FOXO3: variants seen among roughly 807,000 people sequenced by gnomAD.
The protein encoded by FOXO3 is forkhead box protein O3.
In FOXO3, 4 loss-of-function variants were observed where a neutral mutation model predicts 41.9. The ratio of observed to expected loss-of-function variants is 0.10; its 90% confidence interval spans 0.05 to 0.22. FOXO3 has a LOEUF of 0.22. FOXO3 is among the 10% of genes least tolerant of loss of function. The probability of loss-of-function intolerance (pLI) is 1.00; values close to 1 mark genes in which losing one functional copy is unlikely to be tolerated. For missense variants in FOXO3, 534 were observed against 906.8 expected (o/e 0.59, Z 5.28); for synonymous variants, 318 against 389.3 (o/e 0.82, Z 2.16).
At chr6:108,677,601 G>A (rs941325436) in intron 2 of FOXO3, among the ~76,000 whole-genome samples, 1 of 152,172 alleles carries the variant, frequency 6.6e-6, no homozygotes, top group Non-Finnish European at 1.5e-5. Flanking sequence ...TTCTCCCTCG[G>A]CGCTTACAGT....
chr6:108,673,217 C>T (rs1770406171), intron 2 of FOXO3, among the ~76,000 whole-genome samples: 1 of 152,218 alleles, frequency 6.6e-6, no homozygotes, highest in Admixed American at 6.5e-5. Flanking sequence ...TCGTCAGGTT[C>T]TACTCAGACT....
At chr6:108,643,788 G>A (rs1778323886) in intron 1 of FOXO3, among the ~76,000 whole-genome samples, 1 of 152,186 alleles carries the variant, frequency 6.6e-6, no homozygotes, top group African/African-American at 2.4e-5. Flanking sequence ...AGTTCAAGAG[G>A]AGTGAAGATC....
chr6:108,631,439 C>T (rs776996592), intron 1 of FOXO3, among the ~76,000 whole-genome samples: 18 of 152,094 alleles, frequency 1.2e-4, no homozygotes, highest in Non-Finnish European at 1.2e-4. Flanking sequence ...TTGCCTACCC[C>T]GCAATCCATA....
intron 1 of FOXO3, among the ~76,000 whole-genome samples, chr6:108,600,788 A>G (rs1318216617): frequency 6.6e-6 from 1 of 152,182 alleles, no homozygotes; most frequent in Non-Finnish European, 1.5e-5. Context: ...AAGAAGGATT[A>G]TGAATACTTT....
At chr6:108,666,632 C>T (rs1037984713) in intron 2 of FOXO3, among the ~76,000 whole-genome samples, 3 of 151,968 alleles carry the variant, frequency 2.0e-5, no homozygotes, top group East Asian at 1.9e-4. Flanking sequence ...CGTGAGCCAC[C>T]GTGCCCGGCC....
intron 1 of FOXO3, among the ~76,000 whole-genome samples, chr6:108,637,564 C>T (rs935062555): frequency 2.0e-5 from 3 of 152,160 alleles, no homozygotes; most frequent in Non-Finnish European, 4.4e-5. Flanking sequence ...ACATATCAGA[C>T]TCCTGATAAT....
chr6:108,647,166 ATAG>A (rs1233909533), intron 1 of FOXO3, among the ~76,000 whole-genome samples: 1 of 152,246 alleles, frequency 6.6e-6, no homozygotes, highest in Admixed American at 6.5e-5. Context: ...CCTGTTTACT[ATAG>A]TAAGAATACC....
chr6:108,561,568 C>T lies in FOXO3; in HGVS notation c.360C>T (p.Ser120=). ...CAGCCACCGCGGCGGGCGGGCTGAG[C>T]GGGGGTACACAGGCGCTGCTGCAGC... The part of the protein sequence containing the change: ...SGPATAAGGL[S]GGTQALLQPQ... The change falls in exon 1 of 3, where the codon AGC becomes AGT. Residue 120 remains serine, a synonymous_variant. Transcript: ENST00000406360. The T allele has an allele frequency of 1.4e-6, 2 of 1,449,744 alleles. No homozygotes were observed. The highest frequency in any genetic ancestry group is 1.5e-5 in the African/African-American group (1 of 67,692). The allele number at this position is 1,449,744 out of a possible 1,614,324, so 89.8% of individuals were successfully genotyped here. A position where few individuals can be genotyped will look rare whatever the true frequency, so the allele number is the denominator to read the frequency against.
chr6:108,595,415 A>G (rs987932142), intron 1 of FOXO3, among the ~76,000 whole-genome samples: 3 of 152,252 alleles, frequency 2.0e-5, no homozygotes, highest in African/African-American at 7.2e-5. Context: ...TCATTTCCCA[A>G]GCATACTCAT....
At chr6:108,617,587 A>C (rs1242987115) in intron 1 of FOXO3, among the ~76,000 whole-genome samples, 1 of 152,188 alleles carries the variant, frequency 6.6e-6, no homozygotes, top group African/African-American at 2.4e-5. Context: ...AAAACATGAA[A>C]ATTCTCCAGT....
Position 108,684,398 on chromosome 6 carries a change from C to G in FOXO3, c.*4606C>G, listed in dbSNP as rs527306500. ...TCTGTAAAAACTATCTTATCTGTTT[C>G]AATTCCTTGCTCATATCCCATATAA... is the stretch of plus-strand genomic sequence containing the variant. On this transcript the variant is annotated 3_prime_UTR_variant, in exon 3 of 3. Transcript: ENST00000406360. 6.6e-6 allele frequency: 1 copy of G among 152,136 alleles called. No individual in the cohort carries two copies. The highest frequency in any genetic ancestry group is 2.1e-4 in the South Asian group (1 of 4,828). The allele number at this position is 152,136 out of a possible 1,614,324, so 9.4% of individuals were successfully genotyped here.
chr6:108,591,689 T>A (rs1344513629), intron 1 of FOXO3, among the ~76,000 whole-genome samples: 1 of 152,214 alleles, frequency 6.6e-6, no homozygotes, highest in Non-Finnish European at 1.5e-5. Flanking sequence ...ATCGTTTTTC[T>A]TTCCATTTGA....
chr6:108,586,965 A>ATTG (rs1404567183), intron 1 of FOXO3, among the ~76,000 whole-genome samples: 1 of 147,026 alleles, frequency 6.8e-6, no homozygotes, highest in African/African-American at 2.5e-5. Flanking sequence ...TATTATTATT[A>ATTG]TTATTATTAT....
chr6:108,613,657 A>G (rs1777421202), intron 1 of FOXO3, among the ~76,000 whole-genome samples: 1 of 151,770 alleles, frequency 6.6e-6, no homozygotes, highest in African/African-American at 2.4e-5. Context: ...TTGCAATTTC[A>G]TTGATCTTTT....
chr6:108,663,610 G>A lies in FOXO3; in HGVS notation c.777G>A (p.Lys259=), dbSNP rs1244109176. Residue 259 remains lysine, a synonymous_variant, in exon 2 of 3, where the codon AAG becomes AAA. Transcript: ENST00000406360. ...CTGTCTCCATGGACAATAGCAACAAGTATACCAAGAGCCGTGGCCGCGCAG... is the reference window on the plus strand; with the variant it reads ...CTGTCTCCATGGACAATAGCAACAAATATACCAAGAGCCGTGGCCGCGCAG... The part of the protein sequence containing the change: ...RRAVSMDNSN[K]YTKSRGRAAK... 6.2e-7 allele frequency: 1 copy of A among 1,613,624 alleles called. No individual in the cohort carries two copies. The highest frequency in any genetic ancestry group is 8.5e-7 in the Non-Finnish European group (1 of 1,179,686).
At chr6:108,676,997 A>G (rs1770624588) in intron 2 of FOXO3, among the ~76,000 whole-genome samples, 1 of 152,234 alleles carries the variant, frequency 6.6e-6, no homozygotes, top group Non-Finnish European at 1.5e-5. Context: ...GAGGAAACCA[A>G]AGGCCTTTCT....
chr6:108,634,299 G>A (rs979126659), intron 1 of FOXO3, among the ~76,000 whole-genome samples: 1 of 152,114 alleles, frequency 6.6e-6, no homozygotes, highest in Admixed American at 6.6e-5. Flanking sequence ...GGTGAAGATG[G>A]GGTTTCTATG....
chr6:108,665,571 C>T (rs1779026468), intron 2 of FOXO3, among the ~76,000 whole-genome samples: 3 of 152,002 alleles, frequency 2.0e-5, no homozygotes. Context: ...GCCTATAATC[C>T]CACAACTATG....
At chr6:108,565,655 T>TGCA (rs1300689704) in intron 1 of FOXO3, among the ~76,000 whole-genome samples, 1 of 152,066 alleles carries the variant, frequency 6.6e-6, no homozygotes, top group African/African-American at 2.4e-5. Flanking sequence ...CTGCTGCTGC[T>TGCA]GCAGAAGATA....
Sources: allele counts gnomAD v4.1 joint callset (sites outside exome capture counted in the v4.1 genomes callset), GRCh38; gene constraint gnomAD v4.1.1; transcripts MANE v1.5; gene names NCBI Gene and HGNC (gene_info 2026-07-23, HGNC 2026-07-21).